ADAMTS12: variants seen among roughly 807,000 people sequenced by gnomAD.
The protein encoded by ADAMTS12 is A disintegrin and metalloproteinase with thrombospondin motifs 12.
In ADAMTS12, 118 loss-of-function variants were observed where a neutral mutation model predicts 167.8. The observed-to-expected ratio is 0.70, with a 90% CI of 0.61 to 0.82. The LOEUF is 0.82. Among genes scored for constraint, ADAMTS12 ranks in the 40% least tolerant of loss-of-function variants. The pLI, the probability that ADAMTS12 is intolerant of heterozygous loss-of-function variation, is 0.00. For synonymous variants in ADAMTS12, 704 were observed against 716.9 expected (o/e 0.98, Z 0.29); for missense variants, 1,916 against 1,998.8 (o/e 0.96, Z 0.79).
intron 5 of ADAMTS12, among the ~76,000 whole-genome samples, chr5:33,681,042 T>C (rs1742094388): frequency 6.6e-6 from 1 of 152,216 alleles, no homozygotes; most frequent in South Asian, 2.1e-4. Context: ...TACATTTTCA[T>C]AGAGTAAGAT....
chr5:33,740,620 C>G (rs943779105), intron 3 of ADAMTS12, among the ~76,000 whole-genome samples: 3 of 152,204 alleles, frequency 2.0e-5, no homozygotes, highest in African/African-American at 7.2e-5. Flanking sequence ...CTCCAAGACA[C>G]TGCGGGCACG....
chr5:33,691,859 T>A (rs1327901597), intron 3 of ADAMTS12, among the ~76,000 whole-genome samples: 2 of 152,226 alleles, frequency 1.3e-5, no homozygotes, highest in Admixed American at 6.5e-5. Flanking sequence ...TTCTTAATGT[T>A]CACACCAACC....
At chr5:33,560,477 G>A (rs996584225) in intron 20 of ADAMTS12, among the ~76,000 whole-genome samples, 1 of 152,144 alleles carries the variant, frequency 6.6e-6, no homozygotes, top group African/African-American at 2.4e-5. Flanking sequence ...GCACACGTAT[G>A]TTTATTGCGG....
chr5:33,868,786 T>G (rs1415741146), intron 2 of ADAMTS12, among the ~76,000 whole-genome samples: 1 of 152,200 alleles, frequency 6.6e-6, no homozygotes, highest in African/African-American at 2.4e-5. Flanking sequence ...TTTGCAAAAA[T>G]TTTTTAGCTC....
chr5:33,704,668 G>C (rs1039396438), intron 3 of ADAMTS12, among the ~76,000 whole-genome samples: 3 of 152,052 alleles, frequency 2.0e-5, no homozygotes, highest in Non-Finnish European at 4.4e-5. Flanking sequence ...TCCTATTTAG[G>C]TCCTCTGCCT....
chr5:33,534,055 G>A (rs2111748082), intron 23 of ADAMTS12, among the ~76,000 whole-genome samples: 1 of 152,288 alleles, frequency 6.6e-6, no homozygotes, highest in East Asian at 1.9e-4. Flanking sequence ...CAAACAATCA[G>A]TGGAATGGAC....
At chr5:33,579,569 T>G (rs1394463638) in intron 18 of ADAMTS12, among the ~76,000 whole-genome samples, 1 of 152,214 alleles carries the variant, frequency 6.6e-6, no homozygotes, top group Non-Finnish European at 1.5e-5. Context: ...AATGCCAAAG[T>G]ATAGGATCAT....
At chr5:33,853,710 G>C (rs1749300653) in intron 2 of ADAMTS12, among the ~76,000 whole-genome samples, 1 of 152,172 alleles carries the variant, frequency 6.6e-6, no homozygotes, top group Admixed American at 6.5e-5. Flanking sequence ...TTTGCCACAA[G>C]GATGCAAGAC....
intron 2 of ADAMTS12, among the ~76,000 whole-genome samples, chr5:33,759,050 T>C (rs140058717): frequency 6.6e-5 from 10 of 152,278 alleles, no homozygotes; most frequent in African/African-American, 2.4e-4. Context: ...GGGACAGAAT[T>C]AATCAATTTC....
chr5:33,759,072 T>G (rs1375948200), intron 2 of ADAMTS12, among the ~76,000 whole-genome samples: 1 of 152,200 alleles, frequency 6.6e-6, no homozygotes, highest in Non-Finnish European at 1.5e-5. Context: ...CTTTTTTCCT[T>G]TTTGATAGAG....
At chr5:33,657,372 G>T (rs1292732830) in intron 7 of ADAMTS12, among the ~76,000 whole-genome samples, 1 of 152,140 alleles carries the variant, frequency 6.6e-6, no homozygotes, top group Non-Finnish European at 1.5e-5. Flanking sequence ...ACAGGCAGGG[G>T]ATATAATTCA....
chr5:33,645,372 G>C (rs1030167595), intron 9 of ADAMTS12, among the ~76,000 whole-genome samples: 1 of 152,070 alleles, frequency 6.6e-6, no homozygotes, highest in African/African-American at 2.4e-5. Context: ...CCTTTTGGTT[G>C]ATTTCTTCTA....
chr5:33,574,048 T>C (rs1746534122), intron 19 of ADAMTS12, among the ~76,000 whole-genome samples: 1 of 152,186 alleles, frequency 6.6e-6, no homozygotes, highest in African/African-American at 2.4e-5. Flanking sequence ...CACAATGAGA[T>C]ACCATCTCAC....
chr5:33,615,112 G>A (rs1167898793), intron 15 of ADAMTS12, among the ~76,000 whole-genome samples: 3 of 152,150 alleles, frequency 2.0e-5, no homozygotes, highest in Non-Finnish European at 4.4e-5. Flanking sequence ...TAGAGGCATT[G>A]GATTGGTTGC....
In ADAMTS12 at chr5:33,546,188, A is replaced by G. The variant is rs1359828506; in HGVS notation, c.4317T>C (p.Cys1439=). ...VEPWSQCSRS[C]GGGVQERGVF... ...CTCCTCTCTCCTGAACTCCACCTCC[A>G]CAGGACCTGGAGCACTGATACACAG... The change falls in exon 22 of 24, where the codon TGT becomes TGC. Residue 1439 remains cysteine, a synonymous_variant. Coordinates refer to ENST00000504830, the MANE Select transcript of ADAMTS12 (RefSeq NM_030955.4). 6.2e-7 allele frequency: 1 copy of G among 1,613,062 alleles called. No homozygotes were observed. Among genetic ancestry groups the G allele is most frequent in the Non-Finnish European group, 8.5e-7 (1 of 1,179,712 alleles).
intron 2 of ADAMTS12, among the ~76,000 whole-genome samples, chr5:33,813,133 C>T (rs1023127618): frequency 1.3e-5 from 2 of 152,198 alleles, no homozygotes; most frequent in African/African-American, 2.4e-5. Flanking sequence ...CTGGATCACG[C>T]AAAACAGATT....
intron 2 of ADAMTS12, among the ~76,000 whole-genome samples, chr5:33,848,550 A>C (rs961264433): frequency 6.6e-6 from 1 of 152,188 alleles, no homozygotes; most frequent in South Asian, 2.1e-4. Flanking sequence ...AATCCTGAGA[A>C]GTCAAATTTG....
intron 2 of ADAMTS12, among the ~76,000 whole-genome samples, chr5:33,870,603 C>T (rs1302395598): frequency 2.0e-5 from 3 of 152,084 alleles, no homozygotes; most frequent in Admixed American, 6.5e-5. Context: ...GTGAGAATAA[C>T]GTGAGATTTA....
chr5:33,673,789 A>T (rs1741803724), intron 5 of ADAMTS12, among the ~76,000 whole-genome samples: 1 of 151,958 alleles, frequency 6.6e-6, no homozygotes, highest in South Asian at 2.1e-4. Flanking sequence ...ACTCCCTCAG[A>T]TCTCCCTCAC....
Sources: allele counts gnomAD v4.1 joint callset (sites outside exome capture counted in the v4.1 genomes callset), GRCh38; gene constraint gnomAD v4.1.1; transcripts MANE v1.5; gene names NCBI Gene and HGNC (gene_info 2026-07-23, HGNC 2026-07-21).